ZNF398: variants seen among roughly 807,000 people sequenced by gnomAD.
The protein encoded by ZNF398 is zinc finger DNA binding protein ZER6.
ZNF398 carries 18 observed loss-of-function variants against 41.9 expected under a neutral mutation model. The observed-to-expected ratio is 0.43, with a 90% CI of 0.30 to 0.64. The LOEUF is 0.64. Ranked by LOEUF, ZNF398 falls within the 30% of genes least tolerant of loss-of-function variation. The pLI, the probability that ZNF398 is intolerant of heterozygous loss-of-function variation, is 0.14. For synonymous variants in ZNF398, 260 were observed against 308.8 expected, an observed-to-expected ratio of 0.84 and a Z score of 1.66; for missense variants, 669 against 822.8, an observed-to-expected ratio of 0.81 and a Z score of 2.29.
intron 2 of ZNF398, 49 bp from the exon 3 acceptor site, chr7:149,166,109 A>G (rs763065243): frequency 6.4e-7 from 1 of 1,551,250 alleles, no homozygotes; most frequent in African/African-American, 1.4e-5. Context: ...GATTTATTGA[A>G]TGACTGAATT....
rs768862160 is a variant in ZNF398 at position 149,166,311 on chromosome 7, T to C, written c.547+27T>C. ...TGAGGCTGAGTTGACACCTTTTGAATGAAGTGACAGCAGCTCCAAGAGGGC... is the reference window on the plus strand; with the variant it reads ...TGAGGCTGAGTTGACACCTTTTGAACGAAGTGACAGCAGCTCCAAGAGGGC... On this transcript the variant is annotated intron_variant, in intron 3 of 5. Transcript: ENST00000475153. 9 of 1,562,946 alleles carry C rather than the reference T, an allele frequency of 5.8e-6. No individual in the cohort carries two copies. The Admixed American group carries it at 1.7e-4, about 29-fold the overall frequency.
chr7:149,131,640 C>T (rs148650267), intron 2 of ZNF398, among the ~76,000 whole-genome samples: 5,747 of 152,178 alleles, frequency 0.038, 159 homozygotes, highest in Non-Finnish European at 0.058. Flanking sequence ...GAGCCAAGAT[C>T]GGGCCACTGC....
At chr7:149,129,931 A>C (rs1826564713) in intron 2 of ZNF398, among the ~76,000 whole-genome samples, 1 of 150,354 alleles carries the variant, frequency 6.7e-6, no homozygotes, top group African/African-American at 2.5e-5. Context: ...CTCCCTAGTA[A>C]CTGGGATTAC....
chr7:149,161,013 A>G (rs1185059007), intron 2 of ZNF398, among the ~76,000 whole-genome samples: 2 of 152,000 alleles, frequency 1.3e-5, no homozygotes, highest in African/African-American at 2.4e-5. Context: ...GCTTTCCCCA[A>G]CGCTGCCCTC....
chr7:149,154,125 G>A lies in ZNF398; in HGVS notation c.205G>A (p.Gly69Ser), dbSNP rs1306045863. The change falls in exon 2 of 6, where the codon GGT (glycine) becomes AGT (serine). Residue 69 changes from glycine to serine, a missense_variant. By Grantham distance (56) the Gly-to-Ser change is moderately conservative. Transcript: ENST00000475153. ...CAGCCGGCGACTCCTACACCTGGAA[G>A]GTCGGACAGGGACAGCAGAGAAGAA... ...IHSRRLLHLE[G>S]RTGTAEKKLA... The A allele has an allele frequency of 4.3e-6, 7 of 1,614,034 alleles. No individual in the cohort carries two copies. The highest frequency in any genetic ancestry group is 5.9e-6 in the Non-Finnish European group (7 of 1,180,026).
intron 1 of ZNF398, among the ~76,000 whole-genome samples, chr7:149,153,323 T>C (rs1794900479): frequency 6.6e-6 from 1 of 151,966 alleles, no homozygotes; most frequent in East Asian, 1.9e-4. Flanking sequence ...AAGAAAAAAA[T>C]GTATTTATTG....
At chr7:149,166,323 A>G in intron 3 of ZNF398, 39 bp downstream of exon 3, 5 of 231,442 alleles carry the variant, frequency 2.2e-5, no homozygotes, top group Non-Finnish European at 3.2e-5. Context: ...AAGTGACAGC[A>G]GCTCCAAGAG....
intron 4 of ZNF398, among the ~76,000 whole-genome samples, chr7:149,170,458 C>T (rs1795311056): frequency 6.6e-6 from 1 of 152,104 alleles, no homozygotes; most frequent in Non-Finnish European, 1.5e-5. Context: ...ACAAAATGAG[C>T]TGGGCACAGT....
At chr7:149,153,779 G>A (rs552707089) in intron 1 of ZNF398, among the ~76,000 whole-genome samples, 166 bp from the exon 2 acceptor site, 1 of 152,340 alleles carries the variant, frequency 6.6e-6, no homozygotes, top group Non-Finnish European at 1.5e-5. Flanking sequence ...TCTCTTGGCT[G>A]TTGATGCCAG....
chr7:149,138,126 G>A (rs1449136156), intron 2 of ZNF398, among the ~76,000 whole-genome samples: 2 of 151,334 alleles, frequency 1.3e-5, no homozygotes, highest in Non-Finnish European at 2.9e-5. Flanking sequence ...GCTTGAACCC[G>A]GGAGGCAGAG....
At chr7:149,157,834 C>G (rs1293417037) in intron 2 of ZNF398, among the ~76,000 whole-genome samples, 1 of 108,800 alleles carries the variant, frequency 9.2e-6, no homozygotes, top group African/African-American at 4.5e-5. Context: ...AAGACTCTGT[C>G]TCAAAAAAAA....
chr7:149,179,807 A>G lies in ZNF398; in HGVS notation c.*6A>G, dbSNP rs760901535. 1.2e-5 allele frequency: 18 copies of G among 1,558,774 alleles called. No homozygotes were observed. The highest frequency in any genetic ancestry group is 1.4e-5 in the Non-Finnish European group (16 of 1,150,114). On this transcript the variant is annotated 3_prime_UTR_variant, in exon 6 of 6. Coordinates refer to ENST00000475153, the MANE Select transcript of ZNF398 (RefSeq NM_170686.3). The surrounding 1 kb of genome is among the most constrained non-coding windows in gnomAD (Gnocchi z 6.1). ...GTGGAGGGGGAGTTTTGTAAATCCA[A>G]ATCTCTGTGGCTTCATGCTTGTATA...
intron 2 of ZNF398, among the ~76,000 whole-genome samples, chr7:149,133,678 T>TATATATATAC: frequency 1.5e-5 from 1 of 67,020 alleles, no homozygotes; most frequent in African/African-American, 6.1e-5. Context: ...TATATATATA[T>TATATATATAC]ACATATATAT....
At chr7:149,165,565 AAAAG>A (rs1795210808) in intron 2 of ZNF398, among the ~76,000 whole-genome samples, 1 of 152,238 alleles carries the variant, frequency 6.6e-6, no homozygotes, top group African/African-American at 2.4e-5. Context: ...AAAGCTTCAG[AAAAG>A]ACTAAAGGAT....
chr7:149,157,477 G>A (rs1191565479), intron 2 of ZNF398, among the ~76,000 whole-genome samples: 5 of 151,024 alleles, frequency 3.3e-5, no homozygotes, highest in Admixed American at 1.3e-4. Context: ...GGAGCTTGCA[G>A]TGAGCCAAGA....
At chr7:149,142,131 G>C (rs1826837814) in intron 2 of ZNF398, among the ~76,000 whole-genome samples, 1 of 152,094 alleles carries the variant, frequency 6.6e-6, no homozygotes, top group African/African-American at 2.4e-5. Flanking sequence ...TTTAGAGCTT[G>C]TAGAGATAAT....
At chr7:149,166,325 CTCCA>C in intron 3 of ZNF398, 41 bp downstream of exon 3, 2 of 231,386 alleles carry the variant, frequency 8.6e-6, no homozygotes, top group Non-Finnish European at 1.3e-5. Flanking sequence ...GTGACAGCAG[CTCCA>C]AGAGGGCTCA....
Position 149,182,062 on chromosome 7 carries a change from TTAAA to T in ZNF398, c.*2264_*2267del, listed in dbSNP as rs1563169478. 1 of 152,162 alleles carries T rather than the reference TTAAA, an allele frequency of 6.6e-6. No homozygotes were observed. The highest frequency in any genetic ancestry group is 1.5e-5 in the Non-Finnish European group (1 of 68,034). 9.4% of individuals were successfully genotyped at this position (152,162 alleles called of 1,614,324 possible). ...GTGAGATGTGGGACTAGGTAACACT[TTAAA>T]TACTTTTTTACTCAAAGATTTGCCA... On this transcript the variant is annotated 3_prime_UTR_variant, in exon 6 of 6. Coordinates refer to ENST00000475153, the MANE Select transcript of ZNF398 (RefSeq NM_170686.3).
At chr7:149,145,500 T>G (rs1201583425), upstream of ZNF398, among the ~76,000 whole-genome samples, 1 of 152,234 alleles carries the variant, frequency 6.6e-6, no homozygotes, top group Non-Finnish European at 1.5e-5. Context: ...CTGTTGTTCC[T>G]GTAGACAGGA....
Sources: allele counts gnomAD v4.1 joint callset (sites outside exome capture counted in the v4.1 genomes callset), GRCh38; gene constraint gnomAD v4.1.1; non-coding constraint Gnocchi (gnomAD v3.1); transcripts MANE v1.5; gene names NCBI Gene and HGNC (gene_info 2026-07-23, HGNC 2026-07-21).